The following AKAP13 variants were observed in gnomAD, a reference collection of about 807,000 sequenced individuals.
AKAP13 encodes the protein A-kinase anchoring protein 13, also known as A-kinase anchor protein 13.
A neutral mutation model predicts 264.5 loss-of-function variants in AKAP13; 80 were observed. The ratio of observed to expected loss-of-function variants is 0.30; its 90% CI spans 0.25 to 0.36. The LOEUF is 0.36. Ranked by LOEUF, AKAP13 falls within the 10% of genes least tolerant of loss-of-function variation. The probability of loss-of-function intolerance (pLI) is 1.00; values close to 1 mark genes in which losing one functional copy is unlikely to be tolerated. For synonymous variants in AKAP13, 1,380 were observed against 1,250.2 expected (o/e 1.10, Z -2.19); for missense variants, 3,712 against 3,435.2 (o/e 1.08, Z -2.01).
In AKAP13 at chr15:85,566,339, A is replaced by C. The variant is rs1170821542; in HGVS notation, c.663-8792A>C. Among the ~76,000 whole-genome samples the C allele has an allele frequency of 2.6e-5, 4 of 152,234 alleles. No individual in the cohort carries two copies. The East Asian group carries it at 7.7e-4, about 29-fold the overall frequency. On this transcript the variant is annotated intron_variant, in intron 5 of 36. Coordinates refer to ENST00000394518, the MANE Select transcript of AKAP13 (RefSeq NM_007200.5). Reference sequence around the variant, plus strand: ...CTATATTTAGTGCATAAGATGCCACACATATAAGGGTAAAACTCCTCATAC... The same window carrying C: ...CTATATTTAGTGCATAAGATGCCACCCATATAAGGGTAAAACTCCTCATAC...
At chr15:85,393,657 A>G (rs2070973088) in intron 1 of AKAP13, among the ~76,000 whole-genome samples, 2 of 152,232 alleles carry the variant, frequency 1.3e-5, no homozygotes, top group Non-Finnish European at 2.9e-5. Flanking sequence ...CAGTAATCCT[A>G]TAAGACAGAT....
chr15:85,745,745 G>A lies in AKAP13; in HGVS notation c.*1068G>A, dbSNP rs2151796830. 1 of 152,468 alleles carries A rather than the reference G, an allele frequency of 6.6e-6. No homozygotes were observed. The highest frequency in any genetic ancestry group is 2.4e-5 in the African/African-American group (1 of 41,586). The allele number at this position is 152,468 out of a possible 1,614,324, so 9.4% of individuals were successfully genotyped here. Reference sequence around the variant, plus strand: ...AGCTAGGACAGCTGGCTGAGAAGTGGGTTCAGGCGAAGGGTGAAGCCATGT... The same window carrying A: ...AGCTAGGACAGCTGGCTGAGAAGTGAGTTCAGGCGAAGGGTGAAGCCATGT... On this transcript the variant is annotated 3_prime_UTR_variant, in exon 37 of 37. Transcript: ENST00000394518.
chr15:85,560,122 T>C (rs1436115320), intron 5 of AKAP13, among the ~76,000 whole-genome samples: 3 of 105,684 alleles, frequency 2.8e-5, no homozygotes, highest in African/African-American at 4.0e-5. Context: ...ACCTGCTGTC[T>C]CCACCTAAAA....
intron 25 of AKAP13, among the ~76,000 whole-genome samples, chr15:85,722,589 TA>T (rs1256712184): frequency 6.6e-6 from 1 of 152,236 alleles, no homozygotes; most frequent in Non-Finnish European, 1.5e-5. Flanking sequence ...ACCTGAACAG[TA>T]TTCTGTTATC....
intron 5 of AKAP13, among the ~76,000 whole-genome samples, chr15:85,545,786 G>C (rs1434798496): frequency 6.6e-6 from 1 of 152,176 alleles, no homozygotes; most frequent in Non-Finnish European, 1.5e-5. Context: ...AAAGAATCAA[G>C]AATGATCATT....
At chr15:85,455,873 T>A (rs2074265071) in intron 1 of AKAP13, among the ~76,000 whole-genome samples, 1 of 152,148 alleles carries the variant, frequency 6.6e-6, no homozygotes, top group African/African-American at 2.4e-5. Context: ...TTAAATAATC[T>A]TCTTCTGGGA....
At chr15:85,485,669 A>G in intron 1 of AKAP13, 41 bp from the exon 2 acceptor site, 3 of 1,593,314 alleles carry the variant, frequency 1.9e-6, no homozygotes, top group Non-Finnish European at 2.6e-6. Flanking sequence ...TTTCGGTGAC[A>G]ACTTTTAATT....
At chr15:85,664,132 T>C (rs2151546780) in intron 12 of AKAP13, among the ~76,000 whole-genome samples, 1 of 152,354 alleles carries the variant, frequency 6.6e-6, no homozygotes, top group South Asian at 2.1e-4. Context: ...AAGGGCAAGT[T>C]ACCCAGTTTG....
intron 1 of AKAP13, among the ~76,000 whole-genome samples, chr15:85,387,352 A>G (rs2070623372): frequency 6.6e-6 from 1 of 152,064 alleles, no homozygotes. Context: ...ACAAAAAAAG[A>G]TAGGGTCTCA....
intron 5 of AKAP13, among the ~76,000 whole-genome samples, chr15:85,565,635 A>G (rs2078579181): frequency 6.6e-6 from 1 of 152,210 alleles, no homozygotes. Flanking sequence ...CTGAATGTGG[A>G]AGATGGATTT....
In AKAP13 at chr15:85,628,090, T is replaced by C. The variant is rs78713000; in HGVS notation, c.4162-11284T>C. Among the ~76,000 whole-genome samples the C allele has an allele frequency of 1.6e-4, 25 of 152,354 alleles. No homozygotes were observed. In the East Asian group the frequency reaches 1.9e-3, roughly 12 times the overall value. On this transcript the variant is annotated intron_variant, in intron 8 of 36. Coordinates refer to ENST00000394518, the MANE Select transcript of AKAP13 (RefSeq NM_007200.5). Reference sequence around the variant, plus strand: ...AAATTAATCAGTGTTTCCAAACTTATAGGCCATGGTTTGTGGAGCTGTCTC... The same window carrying C: ...AAATTAATCAGTGTTTCCAAACTTACAGGCCATGGTTTGTGGAGCTGTCTC...
intron 16 of AKAP13, chr15:85,691,828 G>A: frequency 2.0e-6 from 1 of 488,462 alleles, no homozygotes; most frequent in South Asian, 1.5e-5. Flanking sequence ...ACAAGTGAGG[G>A]AAGACCACAG....
intron 5 of AKAP13, among the ~76,000 whole-genome samples, chr15:85,566,138 A>G (rs1232470805): frequency 1.3e-5 from 2 of 152,224 alleles, no homozygotes; most frequent in Non-Finnish European, 2.9e-5. Context: ...GAGACAATTC[A>G]CTTTATTTAT....
At chr15:85,717,100 A>T (rs948577754) in intron 20 of AKAP13, 190 bp from the exon 21 acceptor site, 1 of 516,474 alleles carries the variant, frequency 1.9e-6, no homozygotes, top group African/African-American at 2.0e-5. Context: ...CTCCAGTGAT[A>T]CTAAATGCTC....
At chr15:85,577,087 C>T (rs1166182078) in intron 6 of AKAP13, among the ~76,000 whole-genome samples, 2 of 152,172 alleles carry the variant, frequency 1.3e-5, no homozygotes, top group Non-Finnish European at 2.9e-5. Context: ...TCTTAAGGAG[C>T]CTAACACAGA....
intron 1 of AKAP13, among the ~76,000 whole-genome samples, chr15:85,418,509 T>C (rs1201624607): frequency 1.3e-5 from 2 of 152,246 alleles, no homozygotes; most frequent in Non-Finnish European, 2.9e-5. Flanking sequence ...GGCTCTATAA[T>C]GGGATTGTGT....
intron 2 of AKAP13, among the ~76,000 whole-genome samples, chr15:85,497,241 A>T (rs1280311337): frequency 6.6e-6 from 1 of 152,224 alleles, no homozygotes; most frequent in Non-Finnish European, 1.5e-5. Context: ...TGAATGGGAC[A>T]TTTGATCTTA....
chr15:85,714,119 A>G (rs542160062), intron 19 of AKAP13, among the ~76,000 whole-genome samples: 69 of 152,360 alleles, frequency 4.5e-4, no homozygotes, highest in African/African-American at 1.6e-3. Flanking sequence ...TAAACAGTCA[A>G]TTAATGCATT....
intron 8 of AKAP13, among the ~76,000 whole-genome samples, chr15:85,606,316 A>G (rs1307819802): frequency 1.3e-5 from 2 of 151,764 alleles, no homozygotes; most frequent in Non-Finnish European, 2.9e-5. Context: ...TGGCCAGGCT[A>G]GTCTTGAACA....
Sources: allele counts gnomAD v4.1 joint callset (sites outside exome capture counted in the v4.1 genomes callset), GRCh38; gene constraint gnomAD v4.1.1; transcripts MANE v1.5; gene names NCBI Gene and HGNC (gene_info 2026-07-23, HGNC 2026-07-21).